Variants in CDS1 observed in about 807,000 individuals in gnomAD.
The protein encoded by CDS1 is phosphatidate cytidylyltransferase 1.
A neutral mutation model predicts 62.1 loss-of-function variants in CDS1; 41 were observed. That is an observed-to-expected ratio of 0.66 (90% CI 0.51 to 0.86). The LOEUF is 0.86. Ranked by LOEUF, CDS1 falls within the 40% of genes least tolerant of loss-of-function variation. The pLI is 0.00. For missense variants in CDS1, 470 were observed against 550.1 expected (o/e 0.85, Z 1.46); for synonymous variants, 185 against 192.6 (o/e 0.96, Z 0.32).
In CDS1 at chr4:84,643,098, T is replaced by G. The variant is rs748195611; in HGVS notation, c.1107T>G (p.Phe369Leu). ...LSTFASLIGP[F>L]GGFFASGFKR... ...CCTTTGCATCTTTAATTGGCCCATT[T>G]GGAGGCTTCTTTGCTAGTGGATTCA... is the stretch of plus-strand genomic sequence containing the variant. The change falls in exon 11 of 13, where the codon TTT becomes TTG. Residue 369 changes from phenylalanine to leucine, a missense_variant. By Grantham distance (22) the Phe-to-Leu change is conservative. Coordinates refer to ENST00000295887, the MANE Select transcript of CDS1 (RefSeq NM_001263.4). 1 of 1,613,494 alleles carries G rather than the reference T, an allele frequency of 6.2e-7. No homozygotes were observed. The highest frequency in any genetic ancestry group is 1.1e-5 in the South Asian group (1 of 90,916).
intron 1 of CDS1, 54 bp from the exon 2 acceptor site, chr4:84,604,189 G>A: frequency 6.6e-7 from 1 of 1,522,060 alleles, no homozygotes; most frequent in Non-Finnish European, 9.0e-7. Flanking sequence ...GTATTGGCCA[G>A]CCTGTGCTTT....
Position 84,640,932 on chromosome 4 carries a change from A to T in CDS1, c.974A>T (p.Glu325Val). The T allele has an allele frequency of 6.2e-7, 1 of 1,611,196 alleles. No homozygotes were observed. Residue 325 changes from glutamate (E) to valine (V), a missense_variant, in exon 10 of 13, where the codon GAA becomes GTA. Coordinates refer to ENST00000295887, the MANE Select transcript of CDS1 (RefSeq NM_001263.4). Reference sequence around the variant, plus strand: ...TTCGTGACAGAATGTGAGCCCTCAGAACTTTTCCAGCTTCAGACTTACTCA... The same window carrying T: ...TTCGTGACAGAATGTGAGCCCTCAGTACTTTTCCAGCTTCAGACTTACTCA... ...NSFVTECEPS[E>V]LFQLQTYSLP... is the part of the protein sequence containing the mutation.
intron 3 of CDS1, among the ~76,000 whole-genome samples, chr4:84,611,908 GC>G (rs1261564902): frequency 6.6e-6 from 1 of 151,996 alleles, no homozygotes; most frequent in Non-Finnish European, 1.5e-5. Context: ...ATCACCATTG[GC>G]CCTGGGACTT....
chr4:84,640,100 A>G lies in CDS1; in HGVS notation c.880-738A>G, dbSNP rs972052440. On this transcript the variant is annotated intron_variant, in intron 9 of 12. Coordinates refer to ENST00000295887, the MANE Select transcript of CDS1 (RefSeq NM_001263.4). ...TGTAATGCATGACAAAATAATGAGG[A>G]AGGAAATTCCACATCTATATGAAAT... Among the ~76,000 whole-genome samples, 13 of 148,532 alleles carry G rather than the reference A, an allele frequency of 8.8e-5. No individual in the cohort carries two copies. The East Asian group carries it at 2.5e-3, about 29-fold the overall frequency.
intron 7 of CDS1, 110 bp from the exon 8 acceptor site, chr4:84,635,154 T>C (rs1724138304): frequency 1.6e-6 from 1 of 624,358 alleles, no homozygotes; most frequent in Non-Finnish European, 2.8e-6. Flanking sequence ...TGCAGTGCAA[T>C]CCAAAGGGTT....
chr4:84,641,011 A>G (rs1259655346), intron 10 of CDS1, 21 bp downstream of exon 10: 3 of 1,487,488 alleles, frequency 2.0e-6, no homozygotes, highest in Non-Finnish European at 2.7e-6. Flanking sequence ...AGTTCAAGAT[A>G]AACATGGTTA....
chr4:84,604,008 T>C (rs1723015763), intron 1 of CDS1, among the ~76,000 whole-genome samples: 1 of 152,238 alleles, frequency 6.6e-6, no homozygotes, highest in African/African-American at 2.4e-5. Flanking sequence ...GAGCTTCTTT[T>C]GTGTCTTTTG....
At chr4:84,601,083 G>A (rs1301358669) in intron 1 of CDS1, among the ~76,000 whole-genome samples, 1 of 151,088 alleles carries the variant, frequency 6.6e-6, no homozygotes, top group Non-Finnish European at 1.5e-5. Flanking sequence ...TGAGGTGGGA[G>A]GATGGCTTGA....
intron 12 of CDS1, among the ~76,000 whole-genome samples, chr4:84,647,848 T>C (rs543703618): frequency 6.6e-6 from 1 of 152,326 alleles, no homozygotes; most frequent in East Asian, 1.9e-4. Flanking sequence ...CAATCTTTAC[T>C]GTAAGGCATA....
intron 9 of CDS1, among the ~76,000 whole-genome samples, chr4:84,639,645 G>C (rs903573255): frequency 6.6e-6 from 1 of 152,092 alleles, no homozygotes; most frequent in Non-Finnish European, 1.5e-5. Context: ...AGTACTGTCA[G>C]GAAGCTTTAC....
At chr4:84,593,892 C>G (rs1722669242) in intron 1 of CDS1, among the ~76,000 whole-genome samples, 2 of 152,172 alleles carry the variant, frequency 1.3e-5, no homozygotes, top group African/African-American at 4.8e-5. Flanking sequence ...ATTGGCTACA[C>G]ATTGTTCTTT....
At chr4:84,630,512 A>G (rs1292253409) in intron 5 of CDS1, among the ~76,000 whole-genome samples, 2 of 152,212 alleles carry the variant, frequency 1.3e-5, no homozygotes, top group African/African-American at 2.4e-5. Flanking sequence ...GCTTGGTGAG[A>G]GTAGTAATAC....
Position 84,619,499 on chromosome 4 carries a change from C to T in CDS1, c.546C>T (p.Tyr182=). 1 of 1,601,770 alleles carries T rather than the reference C, an allele frequency of 6.2e-7. No homozygotes were observed. Among genetic ancestry groups the T allele is most frequent in the East Asian group, 2.2e-5 (1 of 44,604 alleles). ...AACAACTTCAGTTCCTCATTCGCTA[C>T]CATAGATTTATATCATTTGCCCTCT... The part of the protein sequence containing the change: ...REEQLQFLIR[Y]HRFISFALYL... Residue 182 remains tyrosine (Y), a synonymous_variant, in exon 5 of 13, where the codon TAC becomes TAT. Transcript: ENST00000295887.
intron 3 of CDS1, among the ~76,000 whole-genome samples, chr4:84,611,279 G>T (rs1022443420): frequency 6.6e-6 from 1 of 152,228 alleles, no homozygotes; most frequent in African/African-American, 2.4e-5. Context: ...GTGAGAGCCT[G>T]CCCTCCGGGG....
intron 1 of CDS1, 108 bp from the exon 2 acceptor site, chr4:84,604,135 C>T: frequency 1.1e-6 from 1 of 893,058 alleles, no homozygotes; most frequent in East Asian, 2.5e-5. Flanking sequence ...TTCTTTGTTT[C>T]AGATTATGTC....
chr4:84,637,184 T>A (rs1360579761), intron 8 of CDS1, among the ~76,000 whole-genome samples: 1 of 152,190 alleles, frequency 6.6e-6, no homozygotes, highest in African/African-American at 2.4e-5. Context: ...AAGCTGTATA[T>A]TTTTAAAACG....
At chr4:84,612,961 T>G (rs1296461890) in intron 3 of CDS1, among the ~76,000 whole-genome samples, 1 of 146,262 alleles carries the variant, frequency 6.8e-6, no homozygotes, top group Non-Finnish European at 1.5e-5. Flanking sequence ...GGCACTCCAG[T>G]CTGGGTGACA....
chr4:84,586,030 G>A lies in CDS1; in HGVS notation c.117+2512G>A, dbSNP rs115641526. Among the ~76,000 whole-genome samples, 1,335 of 152,212 alleles carry A rather than the reference G, an allele frequency of 8.8e-3. 10 individuals carry two copies. Among genetic ancestry groups the A allele is most frequent in the Non-Finnish European group, 0.016 (1,105 of 68,024 alleles). ...TCCTGGGACTCACCAGGTTTACAAG[G>A]GTTTGGGTAGGGTGTTCTAGGCAAA... is the stretch of plus-strand genomic sequence containing the variant. On this transcript the variant is annotated intron_variant, in intron 1 of 12. Transcript: ENST00000295887.
chr4:84,586,176 A>G (rs779216837), intron 1 of CDS1, among the ~76,000 whole-genome samples: 8 of 152,150 alleles, frequency 5.3e-5, no homozygotes, highest in Non-Finnish European at 5.9e-5. Context: ...GTGGTCCCCA[A>G]ATTTTTTGGC....
Sources: allele counts gnomAD v4.1 joint callset (sites outside exome capture counted in the v4.1 genomes callset), GRCh38; gene constraint gnomAD v4.1.1; transcripts MANE v1.5; gene names NCBI Gene and HGNC (gene_info 2026-07-23, HGNC 2026-07-21).